The following BRWD3 variants were observed in gnomAD, a reference collection of about 807,000 sequenced individuals.
The protein encoded by BRWD3 is bromodomain and WD repeat domain containing 3, also known as bromodomain and WD repeat-containing protein 3.
Under a neutral mutation model 149.7 loss-of-function variants are expected in BRWD3, and 10 were observed. The ratio of observed to expected loss-of-function variants is 0.07; its 90% confidence interval spans 0.04 to 0.11. The LOEUF is 0.11. Among genes scored for constraint, BRWD3 ranks in the 10% least tolerant of loss-of-function variants. The pLI, the probability that BRWD3 is intolerant of heterozygous loss-of-function variation, is 1.00. For missense variants in BRWD3, 940 were observed against 1,373.2 expected, an observed-to-expected ratio of 0.68 and a Z score of 4.99; for synonymous variants, 504 against 456.7, an observed-to-expected ratio of 1.10 and a Z score of -1.32.
chrX:80,710,245 T>C, intron 20 of BRWD3: 2 of 392,708 alleles, frequency 5.1e-6, no homozygotes, highest in Non-Finnish European at 9.5e-6. Flanking sequence ...CTCTTGTATC[T>C]CTAATTGGAA....
In BRWD3 at chrX:80,761,268, G is replaced by A. The variant is rs145591463; in HGVS notation, c.431-15539C>T. ...TCTCCTAAATCCAGTCAATCATATT[G>A]TCATCAAGGTCAGTAATAAGAAATA... is the stretch of plus-strand genomic sequence containing the variant. On this transcript the variant is annotated intron_variant, in intron 6 of 40. Transcript: ENST00000373275. Among the ~76,000 whole-genome samples the A allele has an allele frequency of 6.1e-4, 68 of 111,912 alleles. 1 individual carries two copies. The East Asian group carries it at 0.017, about 29-fold the overall frequency.
rs1181589388 is a variant in BRWD3 at position 80,703,600 on chromosome X, C to T, written c.2722-7G>A. ...TAGAAACCAGTCCTCCTTTCTAAAACATAAATACACGAAAAGTATATGTAT... is the reference window on the plus strand; with the variant it reads ...TAGAAACCAGTCCTCCTTTCTAAAATATAAATACACGAAAAGTATATGTAT... On this transcript the variant is annotated splice_polypyrimidine_tract_variant and splice_region_variant and intron_variant, in intron 23 of 40. Transcript: ENST00000373275. 10 of 1,133,420 alleles carry T rather than the reference C, an allele frequency of 8.8e-6. No individual in the cohort carries two copies. The highest frequency in any genetic ancestry group is 1.9e-5 in the South Asian group (1 of 52,937). The allele number at this position is 1,133,420 out of a possible 1,213,427, so 93.4% of individuals were successfully genotyped here.
chrX:80,789,777 A>G (rs1322917614), intron 6 of BRWD3, among the ~76,000 whole-genome samples: 1 of 109,622 alleles, frequency 9.1e-6, no homozygotes, highest in East Asian at 2.9e-4. Flanking sequence ...ACTTTTCCCC[A>G]TTTTTAAAAA....
chrX:80,805,488 T>C (rs2074340367), intron 4 of BRWD3, among the ~76,000 whole-genome samples: 1 of 111,321 alleles, frequency 9.0e-6, no homozygotes, highest in South Asian at 3.7e-4. Context: ...CATACCCCAA[T>C]ACACCTTAAG....
intron 5 of BRWD3, 22 bp from the exon 6 acceptor site, chrX:80,791,974 T>G (rs1419296234): frequency 9.3e-7 from 1 of 1,074,173 alleles, no homozygotes; most frequent in Non-Finnish European, 1.3e-6. Flanking sequence ...GAACAAAGGT[T>G]GCTAAGGAAT....
intron 4 of BRWD3, among the ~76,000 whole-genome samples, chrX:80,805,754 C>T (rs1232006566): frequency 2.7e-5 from 3 of 111,234 alleles, no homozygotes; most frequent in Non-Finnish European, 5.7e-5. Flanking sequence ...GCCAACATGG[C>T]GAAACCCCGT....
At chrX:80,809,386 C>T in intron 1 of BRWD3, 55 bp downstream of exon 1, 1 of 1,129,150 alleles carries the variant, frequency 8.9e-7, no homozygotes, top group Admixed American at 2.7e-5. Context: ...TGACAGCCTT[C>T]GCGCTAAGCC....
chrX:80,803,963 T>C (rs1414662450), intron 4 of BRWD3, among the ~76,000 whole-genome samples: 1 of 112,363 alleles, frequency 8.9e-6, no homozygotes, highest in African/African-American at 3.2e-5. Context: ...TGAAAACACT[T>C]TTAAACTTGA....
intron 6 of BRWD3, among the ~76,000 whole-genome samples, chrX:80,749,121 G>A (rs77918504): frequency 0.02 from 2,196 of 111,823 alleles, 57 homozygotes; most frequent in African/African-American, 0.067. Flanking sequence ...CCTAAAATAC[G>A]ATCTATCCTG....
At chrX:80,680,313 G>A (rs748302462) in intron 40 of BRWD3, among the ~76,000 whole-genome samples, 17 of 112,214 alleles carry the variant, frequency 1.5e-4, no homozygotes, top group Admixed American at 1.3e-3. Flanking sequence ...GATGTCCCTT[G>A]TATGGTCCAA....
At chrX:80,725,656 ATG>A (rs2073206896) in intron 14 of BRWD3, among the ~76,000 whole-genome samples, 1 of 111,554 alleles carries the variant, frequency 9.0e-6, no homozygotes, top group South Asian at 3.6e-4. Context: ...ACATGTTTAC[ATG>A]TGTTACATGC....
At chrX:80,796,666 C>A (rs1569291541) in intron 4 of BRWD3, among the ~76,000 whole-genome samples, 1 of 111,592 alleles carries the variant, frequency 9.0e-6, no homozygotes, top group Non-Finnish European at 1.9e-5. Flanking sequence ...TAATTGAAGC[C>A]TGTGCAACTG....
chrX:80,700,433 G>GAGATATATATATATATATAT (rs1555966842), intron 24 of BRWD3, among the ~76,000 whole-genome samples: 6 of 55,615 alleles, frequency 1.1e-4, no homozygotes, highest in African/African-American at 3.7e-4. Flanking sequence ...GAAAATATTT[G>GAGATATATATATATATATAT]ATATATATAA....
chrX:80,786,359 T>C (rs1395795213), intron 6 of BRWD3, among the ~76,000 whole-genome samples: 1 of 111,007 alleles, frequency 9.0e-6, no homozygotes, highest in African/African-American at 3.3e-5. Context: ...GACATGTCCA[T>C]TTATTATACA....
chrX:80,748,063 G>A (rs1401271275), intron 6 of BRWD3, among the ~76,000 whole-genome samples: 1 of 111,440 alleles, frequency 9.0e-6, no homozygotes, highest in Non-Finnish European at 1.9e-5. Context: ...CGCTGGTCTT[G>A]AACTCCTGAC....
In BRWD3 at chrX:80,728,873, G is replaced by A; in HGVS notation, c.1265C>T (p.Thr422Ile). The A allele has an allele frequency of 2.5e-6, 3 of 1,209,687 alleles. No homozygotes were observed. The highest frequency in any genetic ancestry group is 3.4e-6 in the Non-Finnish European group (3 of 893,808). ...NNLPSGEDKI[T>I]KLKVTMVAWD... ...GGCCACCATAGTCACCTTAAGTTTA[G>A]TGATCTTGTCTTCTCCAGATGGCAA... is the stretch of plus-strand genomic sequence containing the variant. Residue 422 changes from threonine to isoleucine, a missense_variant, in exon 14 of 41, where the codon ACT (threonine) becomes ATT (isoleucine). This residue lies in a region of BRWD3 where 209 missense variants were observed against 396.8 expected (regional missense o/e 0.53). Coordinates refer to ENST00000373275, the MANE Select transcript of BRWD3 (RefSeq NM_153252.5).
chrX:80,733,348 A>G (rs1361162235), intron 12 of BRWD3, 108 bp downstream of exon 12: 3 of 606,642 alleles, frequency 4.9e-6, no homozygotes, highest in Non-Finnish European at 7.9e-6. Flanking sequence ...TTTGAACCTA[A>G]ATAACTGGAC....
rs905660598 is a variant in BRWD3 at position 80,670,880 on chromosome X, T to C, written c.*5729A>G. 2.7e-5 allele frequency: 3 copies of C among 111,649 alleles called. No homozygotes were observed. The highest frequency in any genetic ancestry group is 5.6e-5 in the Non-Finnish European group (3 of 53,189). 9.2% of individuals were successfully genotyped at this position (111,649 alleles called of 1,213,427 possible). ...TTTTTCCTAAATGCATTTTTTTTAT[T>C]CTAAATACACAAAATACACAGTATA... On this transcript the variant is annotated 3_prime_UTR_variant, in exon 41 of 41. Coordinates refer to ENST00000373275, the MANE Select transcript of BRWD3 (RefSeq NM_153252.5).
In BRWD3 at chrX:80,709,397, T is replaced by C. The variant is rs770290513; in HGVS notation, c.2475+31A>G. ...TGATACAAACTGGGAAACAAAAAAC[T>C]ACATCAAATAAATAATAGTATATAT... On this transcript the variant is annotated intron_variant, in intron 21 of 40. Coordinates refer to ENST00000373275, the MANE Select transcript of BRWD3 (RefSeq NM_153252.5). 13 of 1,175,096 alleles carry C rather than the reference T, an allele frequency of 1.1e-5. 1 individual carries two copies. In the East Asian group the frequency reaches 3.9e-4, roughly 35 times the overall value.
Sources: gnomAD v4.1 joint callset for allele counts (sites outside exome capture counted in the v4.1 genomes callset) on GRCh38, gnomAD v4.1.1 for gene constraint, gnomAD v4.1.1 regional missense constraint, MANE v1.5 for transcripts, NCBI Gene and HGNC (gene_info 2026-07-23, HGNC 2026-07-21) for gene names.